NUP210L: variants seen among roughly 807,000 people sequenced by gnomAD.
NUP210L encodes the protein nucleoporin 210 like.
NUP210L carries 74 observed loss-of-function variants against 208.5 expected under a neutral mutation model. The observed-to-expected ratio is 0.35, with a 90% CI of 0.29 to 0.43. The LOEUF (loss-of-function observed/expected upper bound fraction) is 0.43, where lower values mean the gene tolerates loss of function less well. NUP210L is among the 20% of genes least tolerant of loss of function. NUP210L has a pLI of 1.00. For missense variants in NUP210L, 1,843 were observed against 2,289.4 expected (o/e 0.81, Z 3.98); for synonymous variants, 780 against 816.9 (o/e 0.95, Z 0.77).
At chr1:154,054,238 A>G in exon 25 of NUP210L, 1 of 1,614,198 alleles carries the variant, frequency 6.2e-7, no homozygotes, top group Non-Finnish European at 8.5e-7. Flanking sequence ...CTGAGAAAAC[A>G]CAATGACTTT....
intron 30 of NUP210L, among the ~76,000 whole-genome samples, chr1:154,024,688 A>AT (rs35432384): frequency 0.3 from 41,260 of 136,388 alleles, 7,190 homozygotes; most frequent in East Asian, 0.65. Context: ...AAGCCCGGCT[A>AT]TTTTTTTTTT....
intron 27 of NUP210L, among the ~76,000 whole-genome samples, chr1:154,043,622 C>A (rs1364541338): frequency 6.8e-6 from 1 of 146,648 alleles, no homozygotes; most frequent in Non-Finnish European, 1.5e-5. Context: ...AACCACTGCA[C>A]CCGGCCTTTT....
At chr1:154,084,804 G>A (rs980800914) in intron 16 of NUP210L, among the ~76,000 whole-genome samples, 9 of 149,402 alleles carry the variant, frequency 6.0e-5, no homozygotes, top group Admixed American at 6.0e-4. Flanking sequence ...AAAAAAAAAG[G>A]CTGGGGTTGG....
rs546794069 is a variant in NUP210L, at chr1:154,076,526, A to G, written c.2362-6061T>C. Among the ~76,000 whole-genome samples, 38 of 152,346 alleles carry G rather than the reference A, an allele frequency of 2.5e-4. No homozygotes were observed. In the South Asian group the frequency reaches 7.7e-3, roughly 31 times the overall value. ...CAATAAAGAGATAGAAGTTATAACA[A>G]AAAAGAACCAAAAAGAAATTCTGAA... On this transcript the variant is annotated intron_variant, in intron 16 of 39. Transcript: ENST00000368559.
intron 28 of NUP210L, 43 bp from the exon 29 acceptor site, chr1:154,027,640 T>C: frequency 7.5e-7 from 1 of 1,331,630 alleles, no homozygotes; most frequent in Non-Finnish European, 1.1e-6. Flanking sequence ...CAAAGACAAA[T>C]TATGACTTTT....
intron 27 of NUP210L, among the ~76,000 whole-genome samples, chr1:154,043,030 T>C (rs1652979044): frequency 6.7e-6 from 1 of 148,942 alleles, no homozygotes; most frequent in Non-Finnish European, 1.5e-5. Flanking sequence ...CCTTTTTTTT[T>C]TTTTTTTGAG....
At chr1:154,108,059 T>A (rs1168298665) in intron 12 of NUP210L, among the ~76,000 whole-genome samples, 1 of 152,054 alleles carries the variant, frequency 6.6e-6, no homozygotes, top group Non-Finnish European at 1.5e-5. Flanking sequence ...TAAAAAGGAA[T>A]AACTATAACA....
intron 37 of NUP210L, among the ~76,000 whole-genome samples, chr1:153,999,830 CTTT>C (rs757776667): frequency 1.4e-5 from 2 of 138,978 alleles, no homozygotes; most frequent in Non-Finnish European, 1.6e-5. Context: ...ATTCTTTTTC[CTTT>C]TTTTTTTTTT....
chr1:154,060,710 C>A, intron 19 of NUP210L, 69 bp from the exon 20 acceptor site: 3 of 1,034,926 alleles, frequency 2.9e-6, no homozygotes, highest in Non-Finnish European at 4.5e-6. Flanking sequence ...GAAATAATTT[C>A]TACCTACCTA....
intron 15 of NUP210L, among the ~76,000 whole-genome samples, chr1:154,092,132 G>T (rs539003658): frequency 8.8e-4 from 131 of 148,218 alleles, no homozygotes; most frequent in Non-Finnish European, 8.6e-4. Context: ...CTGGAGTGCA[G>T]TGGCATGATC....
intron 7 of NUP210L, among the ~76,000 whole-genome samples, chr1:154,129,948 T>C (rs925224279): frequency 2.6e-5 from 4 of 152,210 alleles, no homozygotes; most frequent in Non-Finnish European, 5.9e-5. Flanking sequence ...ATAAATTTAT[T>C]CCAGTATCAG....
At chr1:154,044,221 C>T (rs1266208026) in intron 27 of NUP210L, among the ~76,000 whole-genome samples, 1 of 151,840 alleles carries the variant, frequency 6.6e-6, no homozygotes, top group South Asian at 2.1e-4. Flanking sequence ...GCCTTGCCAA[C>T]ATGGTGAAAC....
intron 27 of NUP210L, among the ~76,000 whole-genome samples, chr1:154,035,177 G>A (rs548328633): frequency 2.6e-5 from 4 of 151,630 alleles, no homozygotes; most frequent in Non-Finnish European, 5.9e-5. Context: ...ATTTATTTTG[G>A]TCTTCTCTTT....
At chr1:154,022,365 A>G (rs1651615558) in intron 31 of NUP210L, 22 bp from the exon 32 acceptor site, 2 of 1,578,502 alleles carry the variant, frequency 1.3e-6, no homozygotes, top group African/African-American at 1.3e-5. Context: ...CATTAAAGGT[A>G]GAAATCTTTA....
At chr1:153,997,294 A>T (rs1649946805) in intron 37 of NUP210L, among the ~76,000 whole-genome samples, 2 of 150,028 alleles carry the variant, frequency 1.3e-5, no homozygotes, top group South Asian at 2.1e-4. Flanking sequence ...GAATAATTTA[A>T]ATGTTTTTCT....
At chr1:154,052,864 G>T (rs1056829355) in intron 25 of NUP210L, among the ~76,000 whole-genome samples, 10 of 152,348 alleles carry the variant, frequency 6.6e-5, no homozygotes, top group East Asian at 3.9e-4. Flanking sequence ...AGCATGAATT[G>T]CACCTCCCAG....
intron 16 of NUP210L, among the ~76,000 whole-genome samples, chr1:154,072,504 T>C (rs965087021): frequency 1.3e-5 from 2 of 151,900 alleles, no homozygotes; most frequent in Non-Finnish European, 2.9e-5. Flanking sequence ...GGCTAATTTT[T>C]TGTAGTTTTA....
At chr1:154,080,787 T>C (rs1307307102) in intron 16 of NUP210L, among the ~76,000 whole-genome samples, 1 of 151,694 alleles carries the variant, frequency 6.6e-6, no homozygotes, top group African/African-American at 2.4e-5. Context: ...GCCTGACCAA[T>C]ATGATGAAAC....
At chr1:154,071,099 T>G (rs1276978315) in intron 16 of NUP210L, among the ~76,000 whole-genome samples, 1 of 151,414 alleles carries the variant, frequency 6.6e-6, no homozygotes, top group Non-Finnish European at 1.5e-5. Context: ...TGTTTTTTGT[T>G]TTTTGTTTTT....
Sources: gnomAD v4.1 joint callset for allele counts (sites outside exome capture counted in the v4.1 genomes callset) on GRCh38, gnomAD v4.1.1 for gene constraint, MANE v1.5 for transcripts, NCBI Gene and HGNC (gene_info 2026-07-23, HGNC 2026-07-21) for gene names.